The following PINX1 variants were observed in gnomAD, a reference collection of about 807,000 sequenced individuals.
PINX1 encodes PIN2/TERF1-interacting telomerase inhibitor 1.
PINX1 carries 34 observed loss-of-function variants against 25.4 expected under a neutral mutation model. The ratio of observed to expected loss-of-function variants is 1.34; its 90% CI spans 1.02 to 1.78. PINX1 has a LOEUF of 1.78. PINX1 is among the 40% of genes most tolerant of loss of function. The pLI is 0.00. For missense variants in PINX1, 592 were observed against 404.9 expected (o/e 1.46, Z -3.97); for synonymous variants, 197 against 147.7 (o/e 1.33, Z -2.42).
chr8:10,817,940 T>A lies in PINX1; in HGVS notation c.471+2253A>T, dbSNP rs1280650217. On this transcript the variant is annotated intron_variant, in intron 6 of 6. Transcript: ENST00000314787. The stretch of plus-strand genomic sequence containing the variant: ...CAATTGGGGAGGAATTAAAAAAAAA[T>A]TTTTTTTAAATTTTTCTCCTTTTGT... 5.3e-5 allele frequency among the ~76,000 whole-genome samples: 8 copies of A among 152,142 alleles called. No homozygotes were observed. In the South Asian group the frequency reaches 8.3e-4, roughly 16 times the overall value.
At chr8:10,772,255 G>T (rs1801249780) in intron 6 of PINX1, among the ~76,000 whole-genome samples, 1 of 152,250 alleles carries the variant, frequency 6.6e-6, no homozygotes, top group African/African-American at 2.4e-5. Flanking sequence ...AAGCTGTGAA[G>T]GCACAGCCTA....
At chr8:10,831,233 G>C (rs1012615242) in intron 4 of PINX1, among the ~76,000 whole-genome samples, 1 of 152,158 alleles carries the variant, frequency 6.6e-6, no homozygotes, top group African/African-American at 2.4e-5. Context: ...AGCTAAAAGA[G>C]TTGAGCTCAT....
At chr8:10,785,965 G>A (rs17152398) in intron 6 of PINX1, among the ~76,000 whole-genome samples, 8,789 of 152,266 alleles carry the variant, frequency 0.058, 312 homozygotes, top group African/African-American at 0.088. Flanking sequence ...TCTGGACTGC[G>A]TATATCACTA....
At chr8:10,806,519 T>A (rs13265197) in intron 6 of PINX1, among the ~76,000 whole-genome samples, 33,271 of 152,138 alleles carry the variant, frequency 0.22, 5,496 homozygotes, top group African/African-American at 0.47. Context: ...TATAACATTG[T>A]GGAAATGATG....
chr8:10,837,992 A>T (rs1430368013), intron 1 of PINX1, among the ~76,000 whole-genome samples: 1 of 152,274 alleles, frequency 6.6e-6, no homozygotes, highest in Non-Finnish European at 1.5e-5. Flanking sequence ...TCAATCCATT[A>T]CAGCAGCTAG....
chr8:10,829,035 C>A (rs1260490094), intron 4 of PINX1, among the ~76,000 whole-genome samples: 1 of 152,078 alleles, frequency 6.6e-6, no homozygotes, highest in Non-Finnish European at 1.5e-5. Context: ...AGCCTGTAAC[C>A]CCAGCACCTT....
chr8:10,781,205 T>C (rs1586144121), intron 6 of PINX1, among the ~76,000 whole-genome samples: 1 of 152,158 alleles, frequency 6.6e-6, no homozygotes. Flanking sequence ...CAACTCAAAA[T>C]GGATTAAAGA....
chr8:10,797,251 G>A (rs575414198), intron 6 of PINX1, among the ~76,000 whole-genome samples: 2 of 152,282 alleles, frequency 1.3e-5, no homozygotes. Flanking sequence ...CAGGGTTGGT[G>A]TTTCAGGGAC....
At chr8:10,803,959 T>C in intron 6 of PINX1, among the ~76,000 whole-genome samples, 1 of 152,178 alleles carries the variant, frequency 6.6e-6, no homozygotes, top group Non-Finnish European at 1.5e-5. Context: ...TTGATTCCCA[T>C]GAGTATTAAA....
chr8:10,805,281 G>A (rs547920719), intron 6 of PINX1, among the ~76,000 whole-genome samples: 22 of 152,218 alleles, frequency 1.4e-4, no homozygotes, highest in African/African-American at 4.8e-4. Flanking sequence ...AGACATCCAC[G>A]TCAGGGTAAT....
rs1801020079 is a variant in PINX1 at position 10,765,795 on chromosome 8, G to C, written c.593C>G (p.Pro198Arg). 6.2e-7 allele frequency: 1 copy of C among 1,613,904 alleles called. No homozygotes were observed. The highest frequency in any genetic ancestry group is 1.1e-5 in the South Asian group (1 of 91,078). ...ALKNKPQVPV[P>R]GSDISETQVE... The stretch of plus-strand genomic sequence containing the variant: ...CTGCGTCTCAGAAATGTCAGACCCT[G>C]GAACTGGAACCTGGGGCTTGTTCTT... The change falls in exon 7 of 7, where the codon CCA becomes CGA. Residue 198 changes from proline to arginine, a missense_variant. Coordinates refer to ENST00000314787, the MANE Select transcript of PINX1 (RefSeq NM_017884.6).
intron 6 of PINX1, chr8:10,771,379 A>C (rs894417004): frequency 1.3e-5 from 2 of 152,202 alleles, no homozygotes; most frequent in African/African-American, 4.8e-5. Context: ...ACTTTCTTGA[A>C]GATCAAGTGT....
chr8:10,808,039 G>C (rs1218573149), intron 6 of PINX1, among the ~76,000 whole-genome samples: 2 of 152,178 alleles, frequency 1.3e-5, no homozygotes, highest in African/African-American at 4.8e-5. Context: ...TATACAGAAT[G>C]CTTTTGTTTC....
chr8:10,808,484 G>A lies in PINX1; in HGVS notation c.471+11709C>T, dbSNP rs891745101. Among the ~76,000 whole-genome samples the A allele has an allele frequency of 2.6e-5, 4 of 152,094 alleles. 1 individual carries two copies. Among genetic ancestry groups the A allele is most frequent in the East Asian group, 1.9e-4 (1 of 5,190 alleles). ...AATAACAAGCATTTAACACATAATC[G>A]CTATCTATGAGTCATTGTTCAAATG... is the stretch of plus-strand genomic sequence containing the variant. On this transcript the variant is annotated intron_variant, in intron 6 of 6. Transcript: ENST00000314787.
chr8:10,816,028 T>C (rs1162532292), intron 6 of PINX1, among the ~76,000 whole-genome samples: 2 of 152,166 alleles, frequency 1.3e-5, no homozygotes, highest in Non-Finnish European at 2.9e-5. Flanking sequence ...AATCAGACGA[T>C]TCTGTCGGCA....
Position 10,820,278 on chromosome 8 carries a change from A to G in PINX1, c.395-9T>C. Reference sequence around the variant, plus strand: ...AGATGACAGATCCTTCCCTAGAAAAACAATGTGATGCTTTTCAGTAAGACT... The same window carrying G: ...AGATGACAGATCCTTCCCTAGAAAAGCAATGTGATGCTTTTCAGTAAGACT... On this transcript the variant is annotated splice_polypyrimidine_tract_variant and intron_variant, in intron 5 of 6. Transcript: ENST00000314787. 6.3e-7 allele frequency: 1 copy of G among 1,590,558 alleles called. No individual in the cohort carries two copies. The highest frequency in any genetic ancestry group is 8.6e-7 in the Non-Finnish European group (1 of 1,159,290).
intron 6 of PINX1, among the ~76,000 whole-genome samples, chr8:10,772,218 G>A (rs548454809): frequency 6.6e-6 from 1 of 152,244 alleles, no homozygotes; most frequent in Non-Finnish European, 1.5e-5. Flanking sequence ...CAGTGGGATG[G>A]AAGTTCCACC....
chr8:10,787,607 T>C (rs932806382), intron 6 of PINX1: 8 of 309,846 alleles, frequency 2.6e-5, no homozygotes, highest in Non-Finnish European at 5.1e-5. Flanking sequence ...AGCTATGTGA[T>C]GGCAAGAACC....
At chr8:10,821,787 C>A (rs1433049589) in intron 5 of PINX1, 3 of 152,198 alleles carry the variant, frequency 2.0e-5, no homozygotes, top group Non-Finnish European at 2.9e-5. Context: ...CCTAACCTAT[C>A]CTCTGGAATA....
Sources: gnomAD v4.1 joint callset for allele counts (sites outside exome capture counted in the v4.1 genomes callset) on GRCh38, gnomAD v4.1.1 for gene constraint, MANE v1.5 for transcripts, NCBI Gene and HGNC (gene_info 2026-07-23, HGNC 2026-07-21) for gene names.